Variants in PCDH7 observed in about 807,000 individuals in gnomAD.
PCDH7 encodes the protein protocadherin 7.
A neutral mutation model predicts 58.9 loss-of-function variants in PCDH7; 17 were observed. The observed-to-expected ratio is 0.29, with a 90% confidence interval of 0.20 to 0.43. PCDH7 has a LOEUF of 0.43. Among genes scored for constraint, PCDH7 ranks in the 20% least tolerant of loss-of-function variants. The pLI is 1.00. For synonymous variants in PCDH7, 664 were observed against 616.4 expected (o/e 1.08, Z -1.14); for missense variants, 1,274 against 1,441.0 (o/e 0.88, Z 1.88).
At chr4:30,988,201 T>G (rs2109119683) in intron 3 of PCDH7, among the ~76,000 whole-genome samples, 1 of 152,296 alleles carries the variant, frequency 6.6e-6, no homozygotes, top group African/African-American at 2.4e-5. Flanking sequence ...TGCACGATAG[T>G]ACCATGTGAT....
At chr4:30,975,400 TACAGGCCCTTCCTTC>T (rs1475369345) in intron 3 of PCDH7, among the ~76,000 whole-genome samples, 7 of 152,144 alleles carry the variant, frequency 4.6e-5, no homozygotes, top group Admixed American at 4.6e-4. Context: ...ACTAATATAA[TACAGGCCCTTCCTTC>T]ACACGAGCAA....
In PCDH7 at chr4:30,845,444, C is replaced by A. The variant is rs536449857; in HGVS notation, c.71-74709C>A. On this transcript the variant is annotated intron_variant, in intron 1 of 3. Transcript: ENST00000509759. ...TCCAGTTCTAGTAAAACCAACCCAA[C>A]CTTATAATACATCTAAATATTATGT... Among the ~76,000 whole-genome samples the A allele has an allele frequency of 2.0e-5, 3 of 152,206 alleles. No homozygotes were observed. In the East Asian group the frequency reaches 5.8e-4, roughly 29 times the overall value.
intron 2 of PCDH7, among the ~76,000 whole-genome samples, chr4:30,927,808 A>G (rs1744077206): frequency 6.6e-6 from 1 of 151,706 alleles, no homozygotes; most frequent in African/African-American, 2.4e-5. Flanking sequence ...TTGTCCTATG[A>G]CCCTGCCAAA....
At chr4:30,725,125 T>C (rs1348324610) in intron 1 of PCDH7, 4 of 999,626 alleles carry the variant, frequency 4.0e-6, no homozygotes, top group Non-Finnish European at 4.8e-6. Flanking sequence ...TCTGAGATAT[T>C]GAAATACTGA....
At chr4:31,036,856 TA>T (rs1425554230) in intron 3 of PCDH7, among the ~76,000 whole-genome samples, 1 of 152,134 alleles carries the variant, frequency 6.6e-6, no homozygotes, top group Non-Finnish European at 1.5e-5. Context: ...GCCTCACAAT[TA>T]TGGTGAAAAG....
intron 3 of PCDH7, among the ~76,000 whole-genome samples, chr4:31,062,186 C>T (rs1757740246): frequency 6.6e-6 from 1 of 151,462 alleles, no homozygotes; most frequent in South Asian, 2.1e-4. Flanking sequence ...GTATGATAAC[C>T]ATCTATTACA....
Position 30,980,234 on chromosome 4 carries a change from T to C in PCDH7, c.*7+30019T>C, listed in dbSNP as rs548400854. Among the ~76,000 whole-genome samples, 5 of 152,346 alleles carry C rather than the reference T, an allele frequency of 3.3e-5. No individual in the cohort carries two copies. The South Asian group carries it at 1.0e-3, about 32-fold the overall frequency. The stretch of plus-strand genomic sequence containing the variant: ...GTATTCAACAGGACTACAGTGGAGC[T>C]TTCTGGTAACAAAACACATTTTTCT... On this transcript the variant is annotated intron_variant, in intron 3 of 3. Transcript: ENST00000509759.
intron 1 of PCDH7, among the ~76,000 whole-genome samples, chr4:30,779,180 C>T (rs1722473940): frequency 6.6e-6 from 1 of 151,744 alleles, no homozygotes; most frequent in South Asian, 2.1e-4. Context: ...CTCACCACCA[C>T]ACCCGGCTGT....
chr4:31,123,912 C>T (rs965476360), intron 3 of PCDH7, among the ~76,000 whole-genome samples: 1 of 152,046 alleles, frequency 6.6e-6, no homozygotes, highest in African/African-American at 2.4e-5. Context: ...CATCCCCAGC[C>T]GAACTTCTCT....
intron 1 of PCDH7, among the ~76,000 whole-genome samples, chr4:30,876,884 T>A (rs919208354): frequency 2.0e-5 from 3 of 152,034 alleles, no homozygotes; most frequent in African/African-American, 7.2e-5. Flanking sequence ...TAGGTATTTG[T>A]CCTAATGCTC....
intron 1 of PCDH7, among the ~76,000 whole-genome samples, chr4:30,778,647 G>A (rs1483311950): frequency 6.6e-6 from 1 of 151,794 alleles, no homozygotes; most frequent in African/African-American, 2.4e-5. Context: ...TTGCATTGCT[G>A]TTTATTCTTT....
intron 1 of PCDH7, among the ~76,000 whole-genome samples, chr4:30,895,074 T>C (rs1208918507): frequency 6.6e-6 from 1 of 151,792 alleles, no homozygotes; most frequent in East Asian, 1.9e-4. Flanking sequence ...AAATTTTAAA[T>C]GAATATCTTT....
intron 1 of PCDH7, among the ~76,000 whole-genome samples, chr4:30,836,497 T>C (rs1375503522): frequency 6.6e-6 from 1 of 152,210 alleles, no homozygotes; most frequent in Non-Finnish European, 1.5e-5. Context: ...ATTATCATTT[T>C]ATGGAAATCC....
At chr4:30,833,997 G>A (rs904607201) in intron 1 of PCDH7, among the ~76,000 whole-genome samples, 2 of 151,996 alleles carry the variant, frequency 1.3e-5, no homozygotes, top group African/African-American at 4.8e-5. Context: ...AACTTTAGAG[G>A]TCATTAGAAA....
intron 1 of PCDH7, among the ~76,000 whole-genome samples, chr4:30,743,828 G>GT (rs1332210582): frequency 1.3e-5 from 2 of 152,000 alleles, no homozygotes; most frequent in Non-Finnish European, 2.9e-5. Context: ...AATCAGTTTG[G>GT]TGAACATTGA....
intron 3 of PCDH7, among the ~76,000 whole-genome samples, chr4:31,098,783 G>A (rs1169162297): frequency 6.6e-6 from 1 of 152,116 alleles, no homozygotes; most frequent in East Asian, 1.9e-4. Context: ...ATTTACTAGG[G>A]CTGCCATAAC....
intron 3 of PCDH7, among the ~76,000 whole-genome samples, chr4:31,048,220 T>A (rs1280642654): frequency 6.6e-6 from 1 of 152,012 alleles, no homozygotes; most frequent in East Asian, 1.9e-4. Flanking sequence ...AAAAAGAATA[T>A]CTCAGGAGTC....
intron 2 of PCDH7, among the ~76,000 whole-genome samples, chr4:30,925,216 G>A (rs1466323069): frequency 6.6e-6 from 1 of 152,118 alleles, no homozygotes; most frequent in East Asian, 1.9e-4. Context: ...CTTTTAGACA[G>A]TGTATTTGAA....
chr4:31,143,111 CCA>C, downstream of PCDH7: 1 of 126,432 alleles, frequency 7.9e-6, no homozygotes, highest in South Asian at 2.7e-4. Context: ...CCACCCCTCT[CCA>C]AAAAAAAAAA....
Sources: allele counts gnomAD v4.1 joint callset (sites outside exome capture counted in the v4.1 genomes callset), GRCh38; gene constraint gnomAD v4.1.1; transcripts MANE v1.5; gene names NCBI Gene and HGNC (gene_info 2026-07-23, HGNC 2026-07-21).